Variants in TSGA10 observed in about 807,000 individuals in gnomAD.
The protein encoded by TSGA10 is testis specific 10.
A neutral mutation model predicts 96.6 loss-of-function variants in TSGA10; 43 were observed. The ratio of observed to expected loss-of-function variants is 0.44; its 90% CI spans 0.35 to 0.57. TSGA10 has a LOEUF of 0.57. Ranked by LOEUF, TSGA10 falls within the 20% of genes least tolerant of loss-of-function variation. TSGA10 has a pLI of 0.01. For missense variants in TSGA10, 703 were observed against 834.4 expected, an observed-to-expected ratio of 0.84 and a Z score of 1.94; for synonymous variants, 229 against 269.9, an observed-to-expected ratio of 0.85 and a Z score of 1.48.
At position 99,080,365 on chromosome 2, in the gene TSGA10, C is replaced by T. The variant is rs559673424; in HGVS notation, c.727+917G>A. 4.5e-4 allele frequency among the ~76,000 whole-genome samples: 68 copies of T among 152,296 alleles called. 1 individual carries two copies. In the South Asian group the frequency reaches 0.014, roughly 31 times the overall value. ...TTCTGGTCTTCCAAAATAACACTCA[C>T]TTCTGGGTCTTCTTCCTACTTCTTT... is the stretch of plus-strand genomic sequence containing the variant. On this transcript the variant is annotated intron_variant, in intron 11 of 20. Coordinates refer to ENST00000393483, the MANE Select transcript of TSGA10 (RefSeq NM_025244.4).
At chr2:99,036,641 A>T (rs1477778181) in intron 16 of TSGA10, among the ~76,000 whole-genome samples, 2 of 152,166 alleles carry the variant, frequency 1.3e-5, no homozygotes, top group East Asian at 3.8e-4. Context: ...AATTAAAGAT[A>T]CTTATAAATA....
intron 20 of TSGA10, among the ~76,000 whole-genome samples, chr2:99,007,097 AC>A (rs2078557746): frequency 1.3e-5 from 2 of 151,760 alleles, no homozygotes; most frequent in Admixed American, 1.3e-4. Flanking sequence ...AACAATGAGA[AC>A]ATTTGGACAC....
intron 16 of TSGA10, among the ~76,000 whole-genome samples, chr2:99,055,860 C>CA (rs59969222): frequency 0.018 from 1,639 of 90,746 alleles, 29 homozygotes; most frequent in African/African-American, 0.043. Context: ...ATCCAATTAA[C>CA]AAAAAAAAAA....
At chr2:99,046,888 G>A (rs147734360) in intron 16 of TSGA10, among the ~76,000 whole-genome samples, 1,631 of 152,184 alleles carry the variant, frequency 0.011, 9 homozygotes, top group Middle Eastern at 0.027. Flanking sequence ...TGAAAAAGGG[G>A]ATATCACCAC....
intron 2 of TSGA10, among the ~76,000 whole-genome samples, chr2:99,122,615 CAAAAAAAAAA>C (rs148224475): frequency 1.9e-5 from 1 of 53,272 alleles, no homozygotes; most frequent in Non-Finnish European, 3.7e-5. Context: ...CCATCTCTAC[CAAAAAAAAAA>C]AAAAAAAAAA....
chr2:99,081,841 TAGAGAA>T (rs771914065), intron 10 of TSGA10, among the ~76,000 whole-genome samples: 2 of 152,256 alleles, frequency 1.3e-5, no homozygotes, highest in Non-Finnish European at 2.9e-5. Context: ...AAGGTCAGAC[TAGAGAA>T]AAACACCTTG....
At chr2:99,152,979 T>C (rs531641495) in intron 1 of TSGA10, among the ~76,000 whole-genome samples, 3 of 152,118 alleles carry the variant, frequency 2.0e-5, no homozygotes, top group Non-Finnish European at 4.4e-5. Flanking sequence ...ATGAATGAAA[T>C]TGCTTAAGGA....
chr2:99,049,290 C>G (rs575076345), intron 16 of TSGA10, among the ~76,000 whole-genome samples: 1 of 152,112 alleles, frequency 6.6e-6, no homozygotes, highest in Non-Finnish European at 1.5e-5. Flanking sequence ...CGTATGTTTA[C>G]TGCAGCACTA....
intron 2 of TSGA10, among the ~76,000 whole-genome samples, chr2:99,119,563 G>T (rs951491501): frequency 1.3e-5 from 2 of 152,250 alleles, no homozygotes; most frequent in South Asian, 4.1e-4. Context: ...TGTTATCAAA[G>T]AACCCTCCTT....
At chr2:99,075,665 C>T (rs2086621665) in intron 12 of TSGA10, among the ~76,000 whole-genome samples, 1 of 152,086 alleles carries the variant, frequency 6.6e-6, no homozygotes, top group South Asian at 2.1e-4. Context: ...AAGTTATTTT[C>T]CCTACAGAGG....
At chr2:99,104,755 A>T (rs1222614811) in intron 9 of TSGA10, among the ~76,000 whole-genome samples, 2 of 152,190 alleles carry the variant, frequency 1.3e-5, no homozygotes, top group Non-Finnish European at 2.9e-5. Flanking sequence ...GATTACAGGC[A>T]TGAGCCACCG....
intron 16 of TSGA10, among the ~76,000 whole-genome samples, chr2:99,037,288 A>T (rs563456446): frequency 1.1e-4 from 16 of 152,246 alleles, no homozygotes; most frequent in Non-Finnish European, 2.1e-4. Flanking sequence ...AAAATCATAC[A>T]AAGTATACTC....
At chr2:99,062,967 G>C (rs2104450194) in intron 16 of TSGA10, among the ~76,000 whole-genome samples, 1 of 152,264 alleles carries the variant, frequency 6.6e-6, no homozygotes, top group Admixed American at 6.5e-5. Flanking sequence ...ACCAAGTACA[G>C]TCCAGATAAT....
chr2:99,041,420 C>G (rs1200130731), intron 16 of TSGA10, among the ~76,000 whole-genome samples: 1 of 152,136 alleles, frequency 6.6e-6, no homozygotes, highest in Non-Finnish European at 1.5e-5. Context: ...ATCACTTACC[C>G]AACTTCAAAC....
chr2:99,073,125 G>C, intron 12 of TSGA10, 52 bp from the exon 13 acceptor site: 1 of 1,257,268 alleles, frequency 8.0e-7, no homozygotes, highest in Non-Finnish European at 1.1e-6. Flanking sequence ...TGTTATTTCT[G>C]TTAAAATTGA....
chr2:99,043,881 T>G (rs2082459410), intron 16 of TSGA10, among the ~76,000 whole-genome samples: 1 of 152,192 alleles, frequency 6.6e-6, no homozygotes, highest in Non-Finnish European at 1.5e-5. Flanking sequence ...ATATTCAACA[T>G]TCTTAAAGAA....
intron 20 of TSGA10, among the ~76,000 whole-genome samples, chr2:99,005,790 T>G (rs2104825929): frequency 6.6e-6 from 1 of 152,278 alleles, no homozygotes; most frequent in East Asian, 1.9e-4. Flanking sequence ...TGGAAAAAAC[T>G]ACTTTAAAGT....
intron 10 of TSGA10, among the ~76,000 whole-genome samples, chr2:99,093,787 T>C (rs1221501178): frequency 1.3e-5 from 2 of 152,132 alleles, no homozygotes; most frequent in Non-Finnish European, 2.9e-5. Flanking sequence ...CCCGTGCTCA[T>C]GGATGAGTAC....
At chr2:99,098,369 G>A (rs183061999) in intron 10 of TSGA10, among the ~76,000 whole-genome samples, 132 of 149,812 alleles carry the variant, frequency 8.8e-4, no homozygotes, top group African/African-American at 3.0e-3. Context: ...AACTTGGGAG[G>A]TGGAGCATGC....
Sources: gnomAD v4.1 joint callset for allele counts (sites outside exome capture counted in the v4.1 genomes callset) on GRCh38, gnomAD v4.1.1 for gene constraint, MANE v1.5 for transcripts, NCBI Gene and HGNC (gene_info 2026-07-23, HGNC 2026-07-21) for gene names.